Variants in PPP2R3B observed in about 807,000 individuals in gnomAD.
PPP2R3B encodes the protein protein phosphatase 2 regulatory subunit B''beta.
In PPP2R3B, 68 loss-of-function variants were observed where a neutral mutation model predicts 72.9. The ratio of observed to expected loss-of-function variants is 0.93; its 90% CI spans 0.77 to 1.14. The LOEUF is 1.14. PPP2R3B is among the 50% of genes most tolerant of loss of function. The probability of loss-of-function intolerance (pLI) is 0.00; values close to 1 mark genes in which losing one functional copy is unlikely to be tolerated. For synonymous variants in PPP2R3B, 466 were observed against 375.8 expected (o/e 1.24, Z -2.78); for missense variants, 1,018 against 842.0 (o/e 1.21, Z -2.59).
intron 1 of PPP2R3B, among the ~76,000 whole-genome samples, chrX:363,178 G>C (rs920002495): frequency 1.9e-5 from 2 of 105,872 alleles, no homozygotes; most frequent in African/African-American, 6.7e-5. Context: ...GATTCAGAAC[G>C]TGACCTCTGT....
chrX:344,148 C>T (rs1192714286), intron 7 of PPP2R3B, among the ~76,000 whole-genome samples: 5 of 110,584 alleles, frequency 4.5e-5, no homozygotes, highest in Admixed American at 8.8e-5. Flanking sequence ...GAGACCTCAG[C>T]AACGGGAGGC....
Position 347,755 on chromosome X carries a change from G to T in PPP2R3B, c.511-62C>A, listed in dbSNP as rs560577410. On this transcript the variant is annotated intron_variant, in intron 2 of 12. Transcript: ENST00000390665. ...GCCTGGACGCCGGCGCTCCTGCTGC[G>T]TACCTCGCGCCTGACCGACGCCGCC... 3.9e-6 allele frequency: 5 copies of T among 1,293,492 alleles called. No homozygotes were observed. The East Asian group carries it at 1.3e-4, about 33-fold the overall frequency. 80.1% of individuals were successfully genotyped at this position (1,293,492 alleles called of 1,614,324 possible). A position where few individuals can be genotyped will look rare whatever the true frequency, so the allele number is the denominator to read the frequency against.
Position 334,307 on chromosome X carries a change from GCGGTGGCC to G in PPP2R3B, c.*52_*59del, listed in dbSNP as rs2070824721. The G allele has an allele frequency of 1.4e-6, 2 of 1,419,874 alleles. No individual in the cohort carries two copies. Among genetic ancestry groups the G allele is most frequent in the African/African-American group, 1.5e-5 (1 of 66,140 alleles). The allele number at this position is 1,419,874 out of a possible 1,614,324, so 88.0% of individuals were successfully genotyped here. On this transcript the variant is annotated 3_prime_UTR_variant, in exon 13 of 13. Transcript: ENST00000390665. ...TTCCACAACAGTTTTTACACGAGCCGCGGTGGCCCGGTGGTGGCACGTGGGGAGCGGCC... is the reference window on the plus strand; with the variant it reads ...TTCCACAACAGTTTTTACACGAGCCGCGGTGGTGGCACGTGGGGAGCGGCC...
chrX:384,400 A>G (rs1327034402), intron 1 of PPP2R3B, among the ~76,000 whole-genome samples: 3 of 150,768 alleles, frequency 2.0e-5, no homozygotes, highest in Non-Finnish European at 4.4e-5. Flanking sequence ...AGCTTCAAGC[A>G]TTTCTCCTGC....
chrX:336,192 A>C (rs1033916910), intron 12 of PPP2R3B: 22 of 151,888 alleles, frequency 1.4e-4, no homozygotes, highest in African/African-American at 5.3e-4. Flanking sequence ...AATACTACAG[A>C]TAATCTCTGC....
rs377068873 is a variant in PPP2R3B, at chrX:345,484, C to T, written c.1036+32G>A. 324 of 1,610,696 alleles carry T rather than the reference C, an allele frequency of 2.0e-4. 2 individuals are homozygous for T. In the African/African-American group the frequency reaches 3.8e-3, roughly 19 times the overall value. On this transcript the variant is annotated intron_variant, in intron 7 of 12. Transcript: ENST00000390665. The stretch of plus-strand genomic sequence containing the variant: ...GAGAGAAGGGTGTGCTCGGTGTCCG[C>T]GCGGCCCGCCCGCCCCTGTGCCCCC...
chrX:367,071 A>G, intron 1 of PPP2R3B, among the ~76,000 whole-genome samples: 3 of 128,528 alleles, frequency 2.3e-5, no homozygotes, highest in Admixed American at 2.3e-4. Flanking sequence ...TTTTAGCCCC[A>G]AATTTACAGA....
At chrX:380,954 G>A (rs1350346183) in intron 1 of PPP2R3B, among the ~76,000 whole-genome samples, 2 of 143,206 alleles carry the variant, frequency 1.4e-5, no homozygotes, top group African/African-American at 5.1e-5. Flanking sequence ...TTTTTTTTTA[G>A]AGACAGAGTC....
At chrX:373,663 C>A in intron 1 of PPP2R3B, 1 of 256,110 alleles carries the variant, frequency 3.9e-6, no homozygotes, top group Non-Finnish European at 8.3e-6. Flanking sequence ...CGCATGCCGC[C>A]GGCGCGCAGG....
chrX:348,057 G>A (rs1033166442), intron 2 of PPP2R3B, among the ~76,000 whole-genome samples: 3 of 152,100 alleles, frequency 2.0e-5, no homozygotes, highest in South Asian at 2.1e-4. Context: ...TGAATCGGAC[G>A]GCGACAGAAA....
rs36129136 is a variant in PPP2R3B at position 363,480 on chromosome X, C to G, written c.325-1890G>C. 3.8e-5 allele frequency among the ~76,000 whole-genome samples: 5 copies of G among 130,858 alleles called. No homozygotes were observed. In the East Asian group the frequency reaches 9.2e-4, roughly 24 times the overall value. 85.8% of individuals were successfully genotyped at this position (130,858 alleles called of 152,430 possible). A position where few individuals can be genotyped will look rare whatever the true frequency, so the allele number is the denominator to read the frequency against. ...CCCACCATCCCACAATGCATCTCCCCGAGCCCAGCATCCCACAATGCATCT... is the reference window on the plus strand; with the variant it reads ...CCCACCATCCCACAATGCATCTCCCGGAGCCCAGCATCCCACAATGCATCT... On this transcript the variant is annotated intron_variant, in intron 1 of 12. Coordinates refer to ENST00000390665, the MANE Select transcript of PPP2R3B (RefSeq NM_013239.5).
Position 338,597 on chromosome X carries a change from C to T in PPP2R3B, c.1577+7G>A. 1 of 1,598,250 alleles carries T rather than the reference C, an allele frequency of 6.3e-7. No individual in the cohort carries two copies. The highest frequency in any genetic ancestry group is 8.5e-7 in the Non-Finnish European group (1 of 1,173,748). On this transcript the variant is annotated splice_region_variant and intron_variant, in intron 12 of 12. Coordinates refer to ENST00000390665, the MANE Select transcript of PPP2R3B (RefSeq NM_013239.5). ...CGTCCCCCCACTCACCCGTCCTCCC[C>T]ACTCACCCGTCCTCCCAGGGCTCTC...
At chrX:384,499 T>G (rs1237383784) in intron 1 of PPP2R3B, among the ~76,000 whole-genome samples, 3 of 152,024 alleles carry the variant, frequency 2.0e-5, no homozygotes, top group Non-Finnish European at 4.4e-5. Flanking sequence ...TTCGCCATGT[T>G]GCCCAGGCTG....
At chrX:354,038 AC>A (rs933451133) in intron 2 of PPP2R3B, among the ~76,000 whole-genome samples, 1 of 124,262 alleles carries the variant, frequency 8.0e-6, no homozygotes, top group Non-Finnish European at 1.7e-5. Context: ...TCGCCCAGGG[AC>A]CAGGGGCTCA....
chrX:366,731 C>T lies in PPP2R3B; in HGVS notation c.325-5141G>A, dbSNP rs1415083579. ...ACAAACGATTAACCAGGTGTGGTGG[C>T]GCATGCCTGTAATCCCAGCTACTTG... On this transcript the variant is annotated intron_variant, in intron 1 of 12. Coordinates refer to ENST00000390665, the MANE Select transcript of PPP2R3B (RefSeq NM_013239.5). Among the ~76,000 whole-genome samples the T allele has an allele frequency of 7.1e-5, 7 of 98,226 alleles. No individual in the cohort carries two copies. The South Asian group carries it at 1.4e-3, about 20-fold the overall frequency. 64.4% of individuals were successfully genotyped at this position (98,226 alleles called of 152,430 possible). A position where few individuals can be genotyped will look rare whatever the true frequency, so the allele number is the denominator to read the frequency against.
At chrX:357,116 T>C (rs1569398090) in intron 2 of PPP2R3B, among the ~76,000 whole-genome samples, 1 of 152,102 alleles carries the variant, frequency 6.6e-6, no homozygotes. Context: ...AGAGTCCTCA[T>C]GTGAAATTCT....
chrX:334,095 A>C lies in PPP2R3B; in HGVS notation c.*272T>G. On this transcript the variant is annotated 3_prime_UTR_variant, in exon 13 of 13. Transcript: ENST00000390665. Reference sequence around the variant, plus strand: ...CCTTTCCACAGACGCAGGCCCCGGAACCCAGGCTGGGTCGGGAACGGCAAG... The same window carrying C: ...CCTTTCCACAGACGCAGGCCCCGGACCCCAGGCTGGGTCGGGAACGGCAAG... 3 of 353,450 alleles carry C rather than the reference A, an allele frequency of 8.5e-6. No individual in the cohort carries two copies. Among genetic ancestry groups the C allele is most frequent in the Non-Finnish European group, 1.0e-5 (2 of 197,808 alleles). The allele number at this position is 353,450 out of a possible 1,614,324, so 21.9% of individuals were successfully genotyped here.
At chrX:346,602 C>T (rs1569386924) in intron 5 of PPP2R3B, 99 bp downstream of exon 5, 29 of 1,202,872 alleles carry the variant, frequency 2.4e-5, no homozygotes, top group African/African-American at 3.1e-5. Context: ...TCAGGAACCC[C>T]GGGCCCCGCC....
At chrX:379,392 A>G (rs1223973852) in intron 1 of PPP2R3B, among the ~76,000 whole-genome samples, 2 of 147,542 alleles carry the variant, frequency 1.4e-5, no homozygotes, top group Admixed American at 6.8e-5. Context: ...GTATGCACCT[A>G]TGTGTGTATG....
Sources: gnomAD v4.1 joint callset for allele counts (sites outside exome capture counted in the v4.1 genomes callset) on GRCh38, gnomAD v4.1.1 for gene constraint, MANE v1.5 for transcripts, NCBI Gene and HGNC (gene_info 2026-07-23, HGNC 2026-07-21) for gene names.